The following ETV5 variants were observed in gnomAD, a reference collection of about 807,000 sequenced individuals.
The protein encoded by ETV5 is ETS translocation variant 5.
A neutral mutation model predicts 70.0 loss-of-function variants in ETV5; 10 were observed. The observed-to-expected ratio is 0.14, with a 90% CI of 0.09 to 0.24. The LOEUF (loss-of-function observed/expected upper bound fraction) is 0.24, where lower values mean the gene tolerates loss of function less well. Among genes scored for constraint, ETV5 ranks in the 10% least tolerant of loss-of-function variants. The probability of loss-of-function intolerance (pLI) is 1.00; values close to 1 mark genes in which losing one functional copy is unlikely to be tolerated. For synonymous variants in ETV5, 216 were observed against 242.2 expected, an observed-to-expected ratio of 0.89 and a Z score of 1.01; for missense variants, 453 against 651.2, an observed-to-expected ratio of 0.70 and a Z score of 3.31.
At chr3:186,102,688 G>C (rs1417939844) in intron 5 of ETV5, among the ~76,000 whole-genome samples, 1 of 150,286 alleles carries the variant, frequency 6.7e-6, no homozygotes, top group Non-Finnish European at 1.5e-5. Context: ...ATCTAAGTTT[G>C]GCTTATATTC....
chr3:186,107,752 G>A (rs1560058890), intron 1 of ETV5, among the ~76,000 whole-genome samples: 1 of 152,060 alleles, frequency 6.6e-6, no homozygotes. Flanking sequence ...GCGCGCAGCG[G>A]GCCCGGTTTT....
rs1291286379 is a variant in ETV5, at chr3:186,057,185, A to T, written c.1099T>A (p.Ser367Thr). The T allele has an allele frequency of 6.2e-7, 1 of 1,614,140 alleles. No individual in the cohort carries two copies. Among genetic ancestry groups the T allele is most frequent in the African/African-American group, 1.3e-5 (1 of 75,032 alleles). Residue 367 changes from serine to threonine, a missense_variant, in exon 11 of 13, where the codon TCC becomes ACC. Ser to Thr is a moderately conservative substitution (Grantham distance 58). Transcript: ENST00000306376. The surrounding 1 kb of genome is among the most constrained non-coding windows in gnomAD (Gnocchi z 4.9). ...ACCAGGAACTGCCACAGCTGAAGGG[A>T]ACCTCGCCTCTGGTAAGGGGGCCCC... ...REGPPYQRRG[S>T]LQLWQFLVTL...
chr3:186,075,949 T>C (rs1046381855), intron 7 of ETV5, among the ~76,000 whole-genome samples: 14 of 152,346 alleles, frequency 9.2e-5, no homozygotes, highest in Admixed American at 3.3e-4. Context: ...TATAATGAGA[T>C]ACGGTTTAAT....
rs966537959 is a variant in ETV5 at position 186,084,538 on chromosome 3, G to A, written c.233-3363C>T. On this transcript the variant is annotated intron_variant, in intron 5 of 12. Coordinates refer to ENST00000306376, the MANE Select transcript of ETV5 (RefSeq NM_004454.3). The stretch of plus-strand genomic sequence containing the variant: ...GGGCCAGGTATTCTGGATGTCGGGG[G>A]CCTATGATGCTAAGCAAAACAGACA... Among the ~76,000 whole-genome samples the A allele has an allele frequency of 3.3e-5, 5 of 152,104 alleles. No homozygotes were observed. In the South Asian group the frequency reaches 6.2e-4, roughly 19 times the overall value.
rs536043045 is a variant in ETV5, at chr3:186,097,903, G to A, written c.232+7402C>T. 6.6e-5 allele frequency among the ~76,000 whole-genome samples: 10 copies of A among 152,292 alleles called. 1 individual carries two copies. The South Asian group carries it at 1.5e-3, about 22-fold the overall frequency. ...TGGGGTCTGGTTATTCATTGAAAAA[G>A]TCTGCAAGTGAGCCCCGCCCTCCAT... On this transcript the variant is annotated intron_variant, in intron 5 of 12. Transcript: ENST00000306376.
rs779293499 is a variant in ETV5, at chr3:186,048,872, C to T, written c.1312-12G>A. On this transcript the variant is annotated splice_polypyrimidine_tract_variant and intron_variant, in intron 12 of 12. Transcript: ENST00000306376. ...CGCTCTCCAGCCACCTGCGGGAGAA[C>T]ACACACCTTACAGGGCCCAGTTGGA... is the stretch of plus-strand genomic sequence containing the variant. The T allele has an allele frequency of 1.9e-6, 3 of 1,610,132 alleles. No homozygotes were observed. In the Admixed American group the frequency reaches 5.0e-5, roughly 27 times the overall value.
At chr3:186,090,901 G>A (rs1714167085) in intron 5 of ETV5, among the ~76,000 whole-genome samples, 1 of 152,174 alleles carries the variant, frequency 6.6e-6, no homozygotes, top group African/African-American at 2.4e-5. Flanking sequence ...AGTTTACCAG[G>A]CTAATAAAAA....
intron 7 of ETV5, among the ~76,000 whole-genome samples, chr3:186,075,031 A>G (rs1421681036): frequency 6.6e-6 from 1 of 152,236 alleles, no homozygotes; most frequent in East Asian, 1.9e-4. Flanking sequence ...ACCTCTGTTC[A>G]TGTTAAAAAA....
intron 7 of ETV5, among the ~76,000 whole-genome samples, chr3:186,067,897 T>C (rs1005422598): frequency 1.3e-5 from 2 of 152,170 alleles, no homozygotes; most frequent in Non-Finnish European, 2.9e-5. Context: ...AATCTCACTG[T>C]TGGCAAAAAG....
chr3:186,095,999 A>G (rs900774097), intron 5 of ETV5, among the ~76,000 whole-genome samples: 10 of 152,226 alleles, frequency 6.6e-5, no homozygotes, highest in African/African-American at 2.4e-4. Flanking sequence ...TTCTGCAGAC[A>G]CTTGGAGCCT....
intron 5 of ETV5, among the ~76,000 whole-genome samples, chr3:186,092,958 T>C (rs1714217647): frequency 6.6e-6 from 1 of 152,218 alleles, no homozygotes; most frequent in Admixed American, 6.5e-5. Flanking sequence ...GCTGGCTGTA[T>C]ATAGAACTGG....
intron 5 of ETV5, among the ~76,000 whole-genome samples, chr3:186,100,520 C>T (rs1328065208): frequency 5.9e-5 from 9 of 152,194 alleles, no homozygotes; most frequent in Non-Finnish European, 1.3e-4. Flanking sequence ...ATAATCTCAT[C>T]GTGAAACAGG....
chr3:186,098,287 G>A (rs1714362260), intron 5 of ETV5, among the ~76,000 whole-genome samples: 1 of 152,204 alleles, frequency 6.6e-6, no homozygotes, highest in Non-Finnish European at 1.5e-5. Context: ...AGACTTCAGT[G>A]GTATTTCTCC....
In ETV5 at chr3:186,079,906, C is replaced by T. The variant is rs1304442953; in HGVS notation, c.561G>A (p.Gln187=). ...GTCGGGGGACCGCAAATGTTTGCTGCTGTGGTCCAGGCTCTGGAAGCGAAT... is the reference window on the plus strand; with the variant it reads ...GTCGGGGGACCGCAAATGTTTGCTGTTGTGGTCCAGGCTCTGGAAGCGAAT... The part of the protein sequence containing the change: ...APHSLPEPGP[Q]QQTFAVPRPP... The change falls in exon 7 of 13, where the codon CAG becomes CAA. Residue 187 remains glutamine (Q), a synonymous_variant. Coordinates refer to ENST00000306376, the MANE Select transcript of ETV5 (RefSeq NM_004454.3). 2 of 1,497,800 alleles carry T rather than the reference C, an allele frequency of 1.3e-6. No individual in the cohort carries two copies. Among genetic ancestry groups the T allele is most frequent in the Admixed American group, 3.6e-5 (2 of 55,958 alleles). The allele number at this position is 1,497,800 out of a possible 1,614,324, so 92.8% of individuals were successfully genotyped here.
chr3:186,103,076 G>A (rs1714497514), intron 5 of ETV5, among the ~76,000 whole-genome samples: 1 of 152,152 alleles, frequency 6.6e-6, no homozygotes. Context: ...AGAATCATTA[G>A]AAGACCTTTT....
chr3:186,061,453 G>A (rs774708544), intron 9 of ETV5, among the ~76,000 whole-genome samples: 3 of 152,188 alleles, frequency 2.0e-5, no homozygotes, highest in South Asian at 2.1e-4. Context: ...GGGCCCCACC[G>A]CTGGGGGTTC....
chr3:186,064,613 G>A, intron 8 of ETV5, 137 bp from the exon 9 acceptor site: 1 of 818,724 alleles, frequency 1.2e-6, no homozygotes, highest in Non-Finnish European at 2.1e-6. Context: ...TTTGTCCTGG[G>A]AAAGAGGTGC....
At chr3:186,106,012 C>CT (rs531636548) in intron 1 of ETV5, 70 bp from the exon 2 acceptor site, 374 of 1,182,610 alleles carry the variant, frequency 3.2e-4, no homozygotes, top group Admixed American at 4.1e-4. Context: ...TTTAGACTGC[C>CT]TTTTTTTTAG....
intron 7 of ETV5, among the ~76,000 whole-genome samples, chr3:186,069,835 G>A (rs973054737): frequency 6.6e-5 from 10 of 152,110 alleles, no homozygotes; most frequent in African/African-American, 1.2e-4. Context: ...TTGAGACGGC[G>A]TCTCGCTCTT....
Sources: gnomAD v4.1 joint callset for allele counts (sites outside exome capture counted in the v4.1 genomes callset) on GRCh38, gnomAD v4.1.1 for gene constraint, Gnocchi (gnomAD v3.1) non-coding constraint, MANE v1.5 for transcripts, NCBI Gene and HGNC (gene_info 2026-07-23, HGNC 2026-07-21) for gene names.